LAMP5: variants seen among roughly 807,000 people sequenced by gnomAD.
LAMP5 encodes the protein lysosome associated membrane protein 5, also known as lysosome-associated membrane glycoprotein 5.
In LAMP5, 36 loss-of-function variants were observed where a neutral mutation model predicts 30.2. That is an observed-to-expected ratio of 1.19 (90% CI 0.91 to 1.57). The LOEUF (loss-of-function observed/expected upper bound fraction) is 1.57. LAMP5 is among the 40% of genes most tolerant of loss of function. The pLI is 0.00. For synonymous variants in LAMP5, 149 were observed against 134.6 expected, an observed-to-expected ratio of 1.11 and a Z score of -0.74; for missense variants, 377 against 354.9, an observed-to-expected ratio of 1.06 and a Z score of -0.50.
chr20:9,518,010 T>TCTGCCAGCAGGAGGGGG (rs143992809), intron 4 of LAMP5, 30 bp from the exon 5 acceptor site: 1 of 1,590,320 alleles, frequency 6.3e-7, no homozygotes, highest in African/African-American at 1.3e-5. Context: ...CAATGAGGGT[T>TCTGCCAGCAGGAGGGGG]CTAACTATTG....
intron 5 of LAMP5, among the ~76,000 whole-genome samples, chr20:9,522,802 A>G (rs1240824368): frequency 6.6e-6 from 1 of 152,178 alleles, no homozygotes; most frequent in East Asian, 1.9e-4. Flanking sequence ...AAGAATGGAC[A>G]GTGTCTGTGT....
intron 4 of LAMP5, 85 bp downstream of exon 4, chr20:9,516,446 AC>A: frequency 8.5e-7 from 1 of 1,170,200 alleles, no homozygotes; most frequent in Admixed American, 1.8e-5. Flanking sequence ...GGTTTTGGAA[AC>A]CGTCCCACGC....
intron 4 of LAMP5, 139 bp from the exon 5 acceptor site, chr20:9,517,901 T>C: frequency 3.1e-6 from 2 of 637,946 alleles, no homozygotes; most frequent in Admixed American, 5.9e-5. Flanking sequence ...ATGCCATTTG[T>C]AGAGCCCTAG....
At chr20:9,523,837 C>A (rs558834700) in intron 5 of LAMP5, among the ~76,000 whole-genome samples, 115 of 152,272 alleles carry the variant, frequency 7.6e-4, no homozygotes, top group African/African-American at 2.7e-3. Context: ...CAGAGGCCTT[C>A]CTTGTTTTGT....
intron 5 of LAMP5, among the ~76,000 whole-genome samples, chr20:9,523,790 G>C (rs993554489): frequency 6.6e-6 from 1 of 152,088 alleles, no homozygotes; most frequent in Non-Finnish European, 1.5e-5. Context: ...ATGTAGTCCG[G>C]GCTAAGCCAA....
intron 5 of LAMP5, among the ~76,000 whole-genome samples, chr20:9,526,899 T>TATATATAC (rs2045118049): frequency 8.2e-6 from 1 of 122,384 alleles, no homozygotes; most frequent in Non-Finnish European, 1.7e-5. Context: ...TATATATATA[T>TATATATAC]ATACACACAC....
In LAMP5 at chr20:9,515,488, G is replaced by C; in HGVS notation, c.100G>C (p.Glu34Gln). The C allele has an allele frequency of 1.2e-6, 2 of 1,614,148 alleles. No individual in the cohort carries two copies. The highest frequency in any genetic ancestry group is 1.7e-6 in the Non-Finnish European group (2 of 1,180,012). ...MAQIMAEQEV[E>Q]NLSGLSTNPE... ...TCAAATCATGGCAGAACAAGAAGTG[G>C]AAAATCTCTCAGGCCTTTCCACTAA... is the stretch of plus-strand genomic sequence containing the variant. Residue 34 changes from glutamate (E) to glutamine (Q), a missense_variant, in exon 2 of 6, where the codon GAA (glutamate) becomes CAA (glutamine). Transcript: ENST00000246070.
chr20:9,527,456 T>C (rs986649576), intron 5 of LAMP5, among the ~76,000 whole-genome samples: 2 of 152,168 alleles, frequency 1.3e-5, no homozygotes, highest in African/African-American at 4.8e-5. Flanking sequence ...CCACTAATTG[T>C]TATTATTAGA....
rs61258824 is a variant in LAMP5 at position 9,528,297 on chromosome 20, G to GGTGT, written c.665-1323_665-1320dup. Among the ~76,000 whole-genome samples the GGTGT allele has an allele frequency of 2.1e-3, 297 of 140,276 alleles. 3 individuals carry two copies. In the Middle Eastern group the frequency reaches 0.039, roughly 18 times the overall value. The allele number at this position is 140,276 out of a possible 152,430, so 92.0% of individuals were successfully genotyped here. ...GATACCAGAGGCTGGGAAGGATATG[G>GGTGT]GTGTGTGTGTGTGTGTGTGTGTGTG... On this transcript the variant is annotated intron_variant, in intron 5 of 5. Transcript: ENST00000246070.
Position 9,529,546 on chromosome 20 carries a change from A to G in LAMP5, c.665-96A>G. ...AAAATAGTCCCAAAGCTTCCTTGAG[A>G]AATCTTTTTACCTCCATTTCCCTTT... On this transcript the variant is annotated intron_variant, in intron 5 of 5. Coordinates refer to ENST00000246070, the MANE Select transcript of LAMP5 (RefSeq NM_012261.4). 2.3e-6 allele frequency: 3 copies of G among 1,285,094 alleles called. No homozygotes were observed. In the South Asian group the frequency reaches 4.5e-5, roughly 19 times the overall value. 79.6% of individuals were successfully genotyped at this position (1,285,094 alleles called of 1,614,324 possible).
At chr20:9,514,968 A>G in intron 1 of LAMP5, 52 bp downstream of exon 1, 1 of 1,509,850 alleles carries the variant, frequency 6.6e-7, no homozygotes, top group South Asian at 1.1e-5. Context: ...TTTGCAGAGA[A>G]CAGAGCCGGC....
chr20:9,526,297 A>C (rs2122846346), intron 5 of LAMP5, among the ~76,000 whole-genome samples: 1 of 152,214 alleles, frequency 6.6e-6, no homozygotes, highest in Non-Finnish European at 1.5e-5. Flanking sequence ...GTTTCTATTC[A>C]ATGTATTGTA....
chr20:9,524,180 A>G (rs1354885956), intron 5 of LAMP5, among the ~76,000 whole-genome samples: 1 of 152,200 alleles, frequency 6.6e-6, no homozygotes, highest in Non-Finnish European at 1.5e-5. Flanking sequence ...TGTATCTGAA[A>G]TTCTTTTAAA....
At chr20:9,517,405 C>G (rs573650797) in intron 4 of LAMP5, among the ~76,000 whole-genome samples, 2 of 151,792 alleles carry the variant, frequency 1.3e-5, no homozygotes, top group East Asian at 3.9e-4. Flanking sequence ...AGTCACTGTT[C>G]CTTCTGTGTC....
intron 5 of LAMP5, among the ~76,000 whole-genome samples, chr20:9,518,643 C>T (rs1405296049): frequency 1.3e-5 from 2 of 152,252 alleles, no homozygotes; most frequent in African/African-American, 2.4e-5. Flanking sequence ...TTGATGCAAA[C>T]TTCCCAAGGA....
intron 2 of LAMP5, 116 bp downstream of exon 2, chr20:9,515,741 G>T (rs1321966526): frequency 1.7e-6 from 2 of 1,199,050 alleles, no homozygotes; most frequent in South Asian, 1.5e-5. Context: ...ACCCCGGCAG[G>T]CTGCTCCCGA....
intron 5 of LAMP5, among the ~76,000 whole-genome samples, chr20:9,529,243 T>C (rs1354171183): frequency 6.6e-6 from 1 of 152,218 alleles, no homozygotes; most frequent in Non-Finnish European, 1.5e-5. Context: ...ACACTTGGTA[T>C]TTTCAGTCTT....
chr20:9,526,858 GTGTATATATATATATA>G (rs1361230325), intron 5 of LAMP5, among the ~76,000 whole-genome samples: 29 of 90,652 alleles, frequency 3.2e-4, no homozygotes, highest in South Asian at 1.4e-3. Context: ...ATGTGTGTGT[GTGTATATATATATATA>G]TATATATATA....
chr20:9,520,990 G>A (rs965857222), intron 5 of LAMP5, among the ~76,000 whole-genome samples: 3 of 152,118 alleles, frequency 2.0e-5, no homozygotes, highest in Non-Finnish European at 4.4e-5. Flanking sequence ...TGGGCCCCAA[G>A]AAGCTCCATT....
Sources: gnomAD v4.1 joint callset for allele counts (sites outside exome capture counted in the v4.1 genomes callset) on GRCh38, gnomAD v4.1.1 for gene constraint, MANE v1.5 for transcripts, NCBI Gene and HGNC (gene_info 2026-07-23, HGNC 2026-07-21) for gene names.